SHANK2: variants seen among roughly 807,000 people sequenced by gnomAD.
SHANK2 encodes the protein SH3 and multiple ankyrin repeat domains 2.
A neutral mutation model predicts 133.7 loss-of-function variants in SHANK2; 43 were observed. That is an observed-to-expected ratio of 0.32 (90% CI 0.25 to 0.41). The LOEUF is 0.41. Among genes scored for constraint, SHANK2 ranks in the 10% least tolerant of loss-of-function variants. The pLI is 1.00. For synonymous variants in SHANK2, 1,017 were observed against 952.8 expected (o/e 1.07, Z -1.24); for missense variants, 1,994 against 2,235.8 (o/e 0.89, Z 2.18).
chr11:71,094,784 C>T, intron 6 of SHANK2, 96 bp from the exon 7 acceptor site: 1 of 1,295,292 alleles, frequency 7.7e-7, no homozygotes, highest in East Asian at 2.6e-5. Flanking sequence ...AAAGAACTGA[C>T]TCCCCTCCTC....
chr11:70,819,865 C>T (rs1299454199), intron 12 of SHANK2, among the ~76,000 whole-genome samples: 2 of 152,196 alleles, frequency 1.3e-5, no homozygotes, highest in African/African-American at 4.8e-5. Flanking sequence ...GAGCCGGCCT[C>T]TCCGGCCCCC....
At chr11:70,770,195 C>T (rs1402734563) in intron 14 of SHANK2, among the ~76,000 whole-genome samples, 3 of 152,218 alleles carry the variant, frequency 2.0e-5, no homozygotes, top group African/African-American at 7.2e-5. Flanking sequence ...TGCTGCCGCC[C>T]ACTTGATGTG....
chr11:70,773,241 C>T (rs560130429), intron 14 of SHANK2, among the ~76,000 whole-genome samples: 20 of 152,308 alleles, frequency 1.3e-4, no homozygotes, highest in African/African-American at 3.8e-4. Flanking sequence ...GCTGGGCGAG[C>T]GGCTCACAGG....
rs34446408 is a variant in SHANK2 at position 70,678,532 on chromosome 11, C to CTTTTTTTTTT, written c.1854-16864_1854-16855dup. On this transcript the variant is annotated intron_variant, in intron 15 of 25. Coordinates refer to ENST00000601538, the MANE Select transcript of SHANK2 (RefSeq NM_012309.5). ...TCATTTCCAGTCTGCTAAGAACAGGCTTTTTTTTTTTTTTTTTTTTTTTGA... is the reference window on the plus strand; with the variant it reads ...TCATTTCCAGTCTGCTAAGAACAGGCTTTTTTTTTTTTTTTTTTTTTTTTTTTTTTTTTGA... Among the ~76,000 whole-genome samples the CTTTTTTTTTT allele has an allele frequency of 2.1e-4, 16 of 77,068 alleles. 2 individuals carry two copies. Among genetic ancestry groups the CTTTTTTTTTT allele is most frequent in the African/African-American group, 7.4e-4 (15 of 20,340 alleles). 50.6% of individuals were successfully genotyped at this position (77,068 alleles called of 152,430 possible).
intron 17 of SHANK2, among the ~76,000 whole-genome samples, chr11:70,551,511 C>T (rs1403269915): frequency 7.2e-5 from 11 of 152,224 alleles, no homozygotes; most frequent in Admixed American, 2.0e-4. Context: ...TTATCTACCC[C>T]CGGCCTCGGC....
intron 14 of SHANK2, among the ~76,000 whole-genome samples, chr11:70,729,285 G>C (rs151243364): frequency 2.6e-5 from 4 of 151,654 alleles, no homozygotes; most frequent in Middle Eastern, 3.4e-3. Context: ...CCTGCTCAGT[G>C]AATGAAGCCA....
At chr11:70,867,335 T>A (rs1949381364) in intron 11 of SHANK2, among the ~76,000 whole-genome samples, 1 of 152,188 alleles carries the variant, frequency 6.6e-6, no homozygotes, top group Non-Finnish European at 1.5e-5. Flanking sequence ...AGTGCACACG[T>A]CTTGGCTCCA....
intron 3 of SHANK2, among the ~76,000 whole-genome samples, chr11:71,142,439 T>C (rs1283540217): frequency 1.3e-5 from 2 of 152,138 alleles, no homozygotes; most frequent in Non-Finnish European, 2.9e-5. Flanking sequence ...AGGCAGAGGT[T>C]GCAGTGAGCT....
chr11:71,085,511 A>G (rs1268409798), intron 8 of SHANK2, among the ~76,000 whole-genome samples: 3 of 116,880 alleles, frequency 2.6e-5, no homozygotes, highest in Non-Finnish European at 3.3e-5. Flanking sequence ...TATATGTTAT[A>G]TTATATATGC....
In SHANK2 at chr11:70,708,408, T is replaced by C. The variant is rs1269109007; in HGVS notation, c.1778-9645A>G. Among the ~76,000 whole-genome samples the C allele has an allele frequency of 1.3e-4, 20 of 152,046 alleles. 1 individual carries two copies. The highest frequency in any genetic ancestry group is 2.4e-4 in the African/African-American group (10 of 41,380). On this transcript the variant is annotated intron_variant, in intron 14 of 25. Coordinates refer to ENST00000601538, the MANE Select transcript of SHANK2 (RefSeq NM_012309.5). ...CATCCTTGCCTCCAATCTCTAAACA[T>C]TGGGATTCAAGATGACAACCAAGTA...
chr11:71,065,616 AG>A (rs1951042688), intron 9 of SHANK2, among the ~76,000 whole-genome samples: 1 of 55,730 alleles, frequency 1.8e-5, no homozygotes, highest in Non-Finnish European at 3.6e-5. Flanking sequence ...GGGACGTTGC[AG>A]GGGGGTGTGT....
intron 11 of SHANK2, among the ~76,000 whole-genome samples, chr11:70,833,867 C>A (rs1332334096): frequency 1.3e-5 from 2 of 152,226 alleles, no homozygotes; most frequent in African/African-American, 4.8e-5. Context: ...CATCAGGCCG[C>A]TAGAGACAGG....
chr11:70,834,632 G>A (rs1169435409), intron 11 of SHANK2, among the ~76,000 whole-genome samples: 1 of 152,168 alleles, frequency 6.6e-6, no homozygotes, highest in Non-Finnish European at 1.5e-5. Flanking sequence ...ATATTAGTAG[G>A]CAACATTTCT....
intron 2 of SHANK2, among the ~76,000 whole-genome samples, chr11:71,196,997 C>CA (rs71467429): frequency 0.084 from 6,853 of 81,182 alleles, 551 homozygotes; most frequent in African/African-American, 0.24. Context: ...GACTCTGTCT[C>CA]AAAAAAAAAA....
intron 14 of SHANK2, among the ~76,000 whole-genome samples, chr11:70,720,784 A>C (rs1946059510): frequency 6.6e-6 from 1 of 152,230 alleles, no homozygotes; most frequent in South Asian, 2.1e-4. Flanking sequence ...CGGCATGCAC[A>C]ATGCACACGT....
At chr11:70,877,364 T>C (rs1555071565) in intron 11 of SHANK2, among the ~76,000 whole-genome samples, 1 of 152,206 alleles carries the variant, frequency 6.6e-6, no homozygotes, top group South Asian at 2.1e-4. Flanking sequence ...ATTTCTATAG[T>C]AACCGGCCAC....
intron 1 of SHANK2, among the ~76,000 whole-genome samples, chr11:71,240,401 G>A (rs2135803871): frequency 6.6e-6 from 1 of 152,270 alleles, no homozygotes; most frequent in East Asian, 1.9e-4. Flanking sequence ...CCCCTCTCCT[G>A]TTCCTCCAAA....
chr11:70,603,027 T>C (rs560432307), intron 17 of SHANK2, among the ~76,000 whole-genome samples: 4 of 152,358 alleles, frequency 2.6e-5, no homozygotes, highest in Non-Finnish European at 5.9e-5. Context: ...AATGTCCATT[T>C]ACAGAAAGCT....
intron 9 of SHANK2, among the ~76,000 whole-genome samples, chr11:71,062,033 T>C (rs1433948442): frequency 1.4e-5 from 2 of 141,160 alleles, no homozygotes; most frequent in African/African-American, 5.2e-5. Flanking sequence ...CTCGGCTCAC[T>C]GCAACCTCTA....
Sources: gnomAD v4.1 joint callset for allele counts (sites outside exome capture counted in the v4.1 genomes callset) on GRCh38, gnomAD v4.1.1 for gene constraint, MANE v1.5 for transcripts, NCBI Gene and HGNC (gene_info 2026-07-23, HGNC 2026-07-21) for gene names.